FUT8: variants seen among roughly 807,000 people sequenced by gnomAD.
FUT8 encodes the protein fucosyltransferase 8, also known as alpha-(1,6)-fucosyltransferase.
Under a neutral mutation model 71.3 loss-of-function variants are expected in FUT8, and 29 were observed. The observed-to-expected ratio is 0.41, with a 90% CI of 0.30 to 0.55. The LOEUF (loss-of-function observed/expected upper bound fraction) is 0.55, where lower values mean the gene tolerates loss of function less well. Among genes scored for constraint, FUT8 ranks in the 20% least tolerant of loss-of-function variants. The pLI is 0.34. For synonymous variants in FUT8, 254 were observed against 239.3 expected (o/e 1.06, Z -0.57); for missense variants, 544 against 702.1 (o/e 0.77, Z 2.55).
At chr14:65,715,344 TTTG>T (rs1226190851) in intron 7 of FUT8, among the ~76,000 whole-genome samples, 1 of 152,228 alleles carries the variant, frequency 6.6e-6, no homozygotes, top group Non-Finnish European at 1.5e-5. Flanking sequence ...TCATGTGGCT[TTTG>T]TTCTTCATTC....
intron 3 of FUT8, among the ~76,000 whole-genome samples, chr14:65,564,815 GT>G (rs1886102512): frequency 6.6e-6 from 1 of 151,858 alleles, no homozygotes; most frequent in African/African-American, 2.4e-5. Context: ...TTACTATAAT[GT>G]TTTTGAGTTT....
intron 2 of FUT8, among the ~76,000 whole-genome samples, chr14:65,523,418 G>C (rs1026437704): frequency 7.8e-6 from 1 of 128,014 alleles, no homozygotes; most frequent in Non-Finnish European, 2.0e-5. Context: ...TTTTGATGAG[G>C]TTGTTTGTTT....
chr14:65,452,633 T>C (rs2065844530), intron 1 of FUT8, among the ~76,000 whole-genome samples: 2 of 152,180 alleles, frequency 1.3e-5, no homozygotes, highest in Non-Finnish European at 2.9e-5. Flanking sequence ...AGAAATTGCT[T>C]TCAATAATTC....
intron 8 of FUT8, 31 bp from the exon 9 acceptor site, chr14:65,724,116 A>AT: frequency 6.6e-7 from 1 of 1,526,080 alleles, no homozygotes; most frequent in East Asian, 2.4e-5. Context: ...GTGTCAGTAC[A>AT]TTACCAGTAG....
intron 2 of FUT8, among the ~76,000 whole-genome samples, chr14:65,531,975 T>G (rs544364589): frequency 1.2e-4 from 18 of 152,284 alleles, no homozygotes; most frequent in Non-Finnish European, 2.4e-4. Context: ...GACTGCATAG[T>G]GTTCTGTTGT....
chr14:65,488,614 G>A (rs2139712070), intron 2 of FUT8: 1 of 152,284 alleles, frequency 6.6e-6, no homozygotes, highest in Admixed American at 6.5e-5. Flanking sequence ...TATAATCTAT[G>A]CTTTGAAATT....
chr14:65,510,983 A>T (rs1246959070), intron 2 of FUT8, among the ~76,000 whole-genome samples: 1 of 151,938 alleles, frequency 6.6e-6, no homozygotes, highest in African/African-American at 2.4e-5. Context: ...TAGTCCTTAA[A>T]ATGCATTGTT....
intron 6 of FUT8, among the ~76,000 whole-genome samples, chr14:65,653,995 GA>G (rs1482307619): frequency 1.3e-5 from 2 of 152,218 alleles, no homozygotes; most frequent in African/African-American, 2.4e-5. Flanking sequence ...AATGATGACA[GA>G]AGGGAATTCT....
intron 10 of FUT8, among the ~76,000 whole-genome samples, chr14:65,737,089 C>T (rs17102894): frequency 0.074 from 11,258 of 152,070 alleles, 477 homozygotes; most frequent in Admixed American, 0.13. Flanking sequence ...GGACCTTAAT[C>T]GGGATTTCTC....
chr14:65,694,693 C>T (rs1893892314), intron 7 of FUT8, among the ~76,000 whole-genome samples: 1 of 151,950 alleles, frequency 6.6e-6, no homozygotes, highest in Non-Finnish European at 1.5e-5. Flanking sequence ...CACATATACA[C>T]CATGGAATAC....
intron 3 of FUT8, among the ~76,000 whole-genome samples, chr14:65,573,048 G>A (rs957685797): frequency 3.9e-5 from 6 of 152,128 alleles, no homozygotes; most frequent in Admixed American, 3.9e-4. Context: ...TTTGGATTGG[G>A]GAGTTTCTTG....
intron 3 of FUT8, among the ~76,000 whole-genome samples, chr14:65,592,029 A>G (rs185664485): frequency 2.0e-5 from 3 of 152,234 alleles, no homozygotes; most frequent in South Asian, 2.1e-4. Context: ...TTGCTTCTAG[A>G]TCTCACCTAG....
rs947843123 is a variant in FUT8 at position 65,412,752 on chromosome 14, T to C, written c.-788T>C. The C allele has an allele frequency of 4.1e-5, 7 of 171,828 alleles. No individual in the cohort carries two copies. Among genetic ancestry groups the C allele is most frequent in the Non-Finnish European group, 7.5e-5 (6 of 80,518 alleles). The allele number at this position is 171,828 out of a possible 1,614,324, so 10.6% of individuals were successfully genotyped here. A position where few individuals can be genotyped will look rare whatever the true frequency, so the allele number is the denominator to read the frequency against. ...CCCATTCGCGCGCGCACGCCGGCGCTGGCCGAGGCTTCCCCGCCTGCGCTC... is the reference window on the plus strand; with the variant it reads ...CCCATTCGCGCGCGCACGCCGGCGCCGGCCGAGGCTTCCCCGCCTGCGCTC... On this transcript the variant is annotated 5_prime_UTR_variant, in exon 1 of 11. Coordinates refer to ENST00000673929, the MANE Select transcript of FUT8 (RefSeq NM_001371533.1).
chr14:65,589,304 A>G (rs1395913479), intron 3 of FUT8, among the ~76,000 whole-genome samples: 1 of 152,212 alleles, frequency 6.6e-6, no homozygotes, highest in Non-Finnish European at 1.5e-5. Flanking sequence ...TAGAAGAAAT[A>G]AAGGATCATG....
chr14:65,469,553 G>A (rs1299598020), intron 2 of FUT8, among the ~76,000 whole-genome samples: 1 of 152,202 alleles, frequency 6.6e-6, no homozygotes, highest in Non-Finnish European at 1.5e-5. Flanking sequence ...AATTATGTAT[G>A]CAGACAAGTG....
chr14:65,612,879 ATAT>A, intron 3 of FUT8, among the ~76,000 whole-genome samples: 1 of 152,180 alleles, frequency 6.6e-6, no homozygotes, highest in Non-Finnish European at 1.5e-5. Flanking sequence ...TGGAAGTCTT[ATAT>A]ATCTGTATCT....
chr14:65,555,784 T>C (rs1885556723), intron 2 of FUT8, among the ~76,000 whole-genome samples: 1 of 152,240 alleles, frequency 6.6e-6, no homozygotes, highest in Non-Finnish European at 1.5e-5. Context: ...CTAGTTTATA[T>C]GTGAGGCTAA....
chr14:65,657,929 A>G (rs1286013979), intron 6 of FUT8, among the ~76,000 whole-genome samples: 2 of 151,454 alleles, frequency 1.3e-5, no homozygotes, highest in Non-Finnish European at 3.0e-5. Context: ...AAATATATAT[A>G]CCTACTATGT....
At chr14:65,439,958 A>ATGTG (rs1566748162) in intron 1 of FUT8, among the ~76,000 whole-genome samples, 1 of 72,084 alleles carries the variant, frequency 1.4e-5, no homozygotes, top group African/African-American at 6.8e-5. Flanking sequence ...GTGTGTGTAT[A>ATGTG]TATATATATA....
Sources: allele counts gnomAD v4.1 joint callset (sites outside exome capture counted in the v4.1 genomes callset), GRCh38; gene constraint gnomAD v4.1.1; transcripts MANE v1.5; gene names NCBI Gene and HGNC (gene_info 2026-07-23, HGNC 2026-07-21).